The following SLC2A2 variants were observed in gnomAD, a reference collection of about 807,000 sequenced individuals.
SLC2A2 encodes solute carrier family 2 member 2.
SLC2A2 carries 36 observed loss-of-function variants against 54.5 expected under a neutral mutation model. The ratio of observed to expected loss-of-function variants is 0.66; its 90% confidence interval spans 0.51 to 0.87. The LOEUF is 0.87. Among genes scored for constraint, SLC2A2 ranks in the 40% least tolerant of loss-of-function variants. The pLI is 0.00. For missense variants in SLC2A2, 543 were observed against 624.3 expected (o/e 0.87, Z 1.39); for synonymous variants, 223 against 219.1 (o/e 1.02, Z -0.16).
rs1258330126 is a variant in SLC2A2 at position 170,997,337 on chromosome 3, CT to C, written c.*565del. 1 of 152,148 alleles carries C rather than the reference CT, an allele frequency of 6.6e-6. No individual in the cohort carries two copies. The highest frequency in any genetic ancestry group is 1.5e-5 in the Non-Finnish European group (1 of 68,126). The allele number at this position is 152,148 out of a possible 1,614,324, so 9.4% of individuals were successfully genotyped here. Reference sequence around the variant, plus strand: ...TTCTCTATAGACATTTTTTAGTATACTCTATAATCCATTCCACATGAAAATA... The same window carrying C: ...TTCTCTATAGACATTTTTTAGTATACCTATAATCCATTCCACATGAAAATA... On this transcript the variant is annotated 3_prime_UTR_variant, in exon 11 of 11. Transcript: ENST00000314251.
intron 1 of SLC2A2, among the ~76,000 whole-genome samples, chr3:171,022,979 A>G (rs1471184085): frequency 1.3e-5 from 2 of 152,216 alleles, no homozygotes; most frequent in African/African-American, 2.4e-5. Flanking sequence ...GTTCTATAGT[A>G]TAGAAATTCT....
At chr3:171,007,380 G>T in intron 4 of SLC2A2, 117 bp from the exon 5 acceptor site, 1 of 707,534 alleles carries the variant, frequency 1.4e-6, no homozygotes, top group Non-Finnish European at 2.6e-6. Flanking sequence ...TTCACTGGAA[G>T]GATGAACCCT....
In SLC2A2 at chr3:171,000,223, G is replaced by A. The variant is rs549169716; in HGVS notation, c.1069-1057C>T. On this transcript the variant is annotated intron_variant, in intron 8 of 10. Transcript: ENST00000314251. ...CTTCAGATAAGATGATAAGCTAAGA[G>A]CACATATTTAATTATTGAGAAGGAA... is the stretch of plus-strand genomic sequence containing the variant. 2.0e-5 allele frequency among the ~76,000 whole-genome samples: 3 copies of A among 152,136 alleles called. No homozygotes were observed. The East Asian group carries it at 5.8e-4, about 29-fold the overall frequency.
At chr3:171,025,895 G>A (rs944775346) in intron 1 of SLC2A2, among the ~76,000 whole-genome samples, 19 of 152,204 alleles carry the variant, frequency 1.2e-4, no homozygotes, top group African/African-American at 4.6e-4. Flanking sequence ...AAACAGTAGT[G>A]AAGTGATCAT....
chr3:171,018,161 T>C (rs1716239643), intron 2 of SLC2A2, among the ~76,000 whole-genome samples: 1 of 152,176 alleles, frequency 6.6e-6, no homozygotes, highest in African/African-American at 2.4e-5. Flanking sequence ...CATATCCTTA[T>C]TCCCTGGCAC....
chr3:171,014,101 G>T (rs1421486422), intron 3 of SLC2A2, among the ~76,000 whole-genome samples: 2 of 152,198 alleles, frequency 1.3e-5, no homozygotes, highest in Admixed American at 6.5e-5. Flanking sequence ...GTGTGATTTG[G>T]TGAAGCAAAC....
rs1188844990 is a variant in SLC2A2 at position 170,997,546 on chromosome 3, T to C, written c.*357A>G. 1 of 208,960 alleles carries C rather than the reference T, an allele frequency of 4.8e-6. No individual in the cohort carries two copies. The highest frequency in any genetic ancestry group is 1.3e-4 in the East Asian group (1 of 7,536). The allele number at this position is 208,960 out of a possible 1,614,324, so 12.9% of individuals were successfully genotyped here. On this transcript the variant is annotated 3_prime_UTR_variant, in exon 11 of 11. Transcript: ENST00000314251. ...TAATGATATTCAAATATATAAATAT[T>C]TGTTGCATCCTCAGGTTTCTAGTTA... is the stretch of plus-strand genomic sequence containing the variant.
At chr3:171,022,483 G>A (rs138058585) in intron 1 of SLC2A2, among the ~76,000 whole-genome samples, 17 of 152,224 alleles carry the variant, frequency 1.1e-4, no homozygotes, top group Middle Eastern at 6.8e-3. Flanking sequence ...GAGGTCTCTG[G>A]ACAAAAGTCC....
chr3:170,999,105 A>G lies in SLC2A2; in HGVS notation c.1130T>C (p.Phe377Ser), dbSNP rs1381085405. The change falls in exon 9 of 11, where the codon TTT (phenylalanine) becomes TCT (serine). Residue 377 changes from phenylalanine (F) to serine (S), a missense_variant. Physicochemically the swap from Phe to Ser is radical, Grantham distance 155. Around this residue, in one of 3 missense-constraint regions of SLC2A2, gnomAD observed 117 missense variants for 179.2 expected, o/e 0.65. Transcript: ENST00000314251. Reference protein sequence around the residue: ...SLFLIGMSGMFVCAIFMSVGL... With the variant: ...SLFLIGMSGMSVCAIFMSVGL... ...CACTGACATGAAGATGGCACAAACAAACATCCCACTCATTCCAATTAGAAA... is the reference window on the plus strand; with the variant it reads ...CACTGACATGAAGATGGCACAAACAGACATCCCACTCATTCCAATTAGAAA... 5 of 1,612,912 alleles carry G rather than the reference A, an allele frequency of 3.1e-6. No individual in the cohort carries two copies. In the East Asian group the frequency reaches 1.1e-4, roughly 36 times the overall value.
At chr3:171,007,287 G>T in intron 4 of SLC2A2, 24 bp from the exon 5 acceptor site, 3 of 1,367,386 alleles carry the variant, frequency 2.2e-6, no homozygotes, top group Middle Eastern at 1.8e-4. Context: ...AAACATAAAT[G>T]TTAAAGTGCA....
intron 3 of SLC2A2, among the ~76,000 whole-genome samples, chr3:171,013,105 G>C (rs1226575767): frequency 6.6e-6 from 1 of 152,020 alleles, no homozygotes; most frequent in East Asian, 1.9e-4. Context: ...TAAATGATTT[G>C]TGCATATTTT....
chr3:171,008,897 AAG>A (rs1263143399), intron 4 of SLC2A2, among the ~76,000 whole-genome samples: 3 of 152,104 alleles, frequency 2.0e-5, no homozygotes, highest in South Asian at 2.1e-4. Context: ...AAATAATAAA[AAG>A]AGATTTAATT....
Position 170,996,728 on chromosome 3 carries a change from A to G in SLC2A2, c.*1175T>C. 5.0e-6 allele frequency: 2 copies of G among 397,556 alleles called. No homozygotes were observed. The highest frequency in any genetic ancestry group is 4.4e-6 in the Non-Finnish European group (1 of 225,286). The allele number at this position is 397,556 out of a possible 1,614,324, so 24.6% of individuals were successfully genotyped here. ...GTAATGGCCATAGAATAGTTTGGCT[A>G]GAATCTGTATACAGCTAAGACAAAG... On this transcript the variant is annotated 3_prime_UTR_variant, in exon 11 of 11. Coordinates refer to ENST00000314251, the MANE Select transcript of SLC2A2 (RefSeq NM_000340.2).
At position 171,009,991 on chromosome 3, in the gene SLC2A2, TTATAAG is replaced by T. The variant is rs763620441; in HGVS notation, c.457_462del (p.Leu153_Ile154del). The T allele has an allele frequency of 9.5e-5, 153 of 1,605,504 alleles. No homozygotes were observed. The highest frequency in any genetic ancestry group is 1.9e-4 in the Admixed American group (11 of 59,438). On this transcript the variant is annotated inframe_deletion, in exon 4 of 11. Coordinates refer to ENST00000314251, the MANE Select transcript of SLC2A2 (RefSeq NM_000340.2). ...AGTCCTGATATGCTTCTTCCAGCAA[TTATAAG>T]TATATGAGATGGTCCCAATTTTGAA...
chr3:171,010,327 T>C (rs1434160808), intron 3 of SLC2A2, among the ~76,000 whole-genome samples: 1 of 152,124 alleles, frequency 6.6e-6, no homozygotes, highest in Non-Finnish European at 1.5e-5. Flanking sequence ...TACATTTTTC[T>C]ATTTTATTTT....
intron 7 of SLC2A2, among the ~76,000 whole-genome samples, chr3:171,005,078 T>A (rs1012543687): frequency 3.9e-5 from 6 of 152,062 alleles, no homozygotes; most frequent in Non-Finnish European, 8.8e-5. Context: ...TACCATTGAC[T>A]GTTGACACTT....
intron 2 of SLC2A2, among the ~76,000 whole-genome samples, chr3:171,016,814 G>A (rs894991952): frequency 1.3e-5 from 2 of 151,750 alleles, no homozygotes; most frequent in Non-Finnish European, 2.9e-5. Flanking sequence ...CTTAGCCTAA[G>A]CTTCCGTCTA....
At chr3:171,011,597 A>G (rs1451413038) in intron 3 of SLC2A2, among the ~76,000 whole-genome samples, 2 of 152,170 alleles carry the variant, frequency 1.3e-5, no homozygotes, top group Non-Finnish European at 2.9e-5. Flanking sequence ...AAGCCACTAA[A>G]TTGGGGATAA....
chr3:171,017,718 AC>A (rs1298488721), intron 2 of SLC2A2, among the ~76,000 whole-genome samples: 1 of 152,180 alleles, frequency 6.6e-6, no homozygotes, highest in African/African-American at 2.4e-5. Context: ...CAATGACCTC[AC>A]AGTCTGAGTT....
Sources: allele counts gnomAD v4.1 joint callset (sites outside exome capture counted in the v4.1 genomes callset), GRCh38; gene constraint gnomAD v4.1.1; regional missense constraint gnomAD v4.1.1; transcripts MANE v1.5; gene names NCBI Gene and HGNC (gene_info 2026-07-23, HGNC 2026-07-21).